The following CEP120 variants were observed in gnomAD, a reference collection of about 807,000 sequenced individuals.
CEP120 encodes the protein centrosomal protein of 120 kDa.
In CEP120, 113 loss-of-function variants were observed where a neutral mutation model predicts 126.5. The ratio of observed to expected loss-of-function variants is 0.89; its 90% CI spans 0.77 to 1.04. The LOEUF (loss-of-function observed/expected upper bound fraction) is 1.04. Among genes scored for constraint, CEP120 ranks in the 50% least tolerant of loss-of-function variants. The pLI is 0.00. For missense variants in CEP120, 1,230 were observed against 1,155.7 expected (o/e 1.06, Z -0.93); for synonymous variants, 400 against 394.3 (o/e 1.01, Z -0.17).
intron 5 of CEP120, among the ~76,000 whole-genome samples, chr5:123,398,471 G>C (rs181575896): frequency 2.0e-5 from 3 of 152,274 alleles, no homozygotes; most frequent in Admixed American, 1.3e-4. Flanking sequence ...GACTAGGCCT[G>C]CTTACTGCTT....
rs1410630358 is a variant in CEP120, at chr5:123,393,381, A to C, written c.729T>G (p.Phe243Leu). The C allele has an allele frequency of 1.2e-6, 2 of 1,614,064 alleles. No homozygotes were observed. The highest frequency in any genetic ancestry group is 2.2e-5 in the East Asian group (1 of 44,880). The change falls in exon 6 of 20, where the codon TTT (phenylalanine) becomes TTG (leucine). Residue 243 changes from phenylalanine (F) to leucine (L), a missense_variant. By Grantham distance (22) the Phe-to-Leu change is conservative. Coordinates refer to ENST00000306467, the MANE Select transcript of CEP120 (RefSeq NM_001375405.1). ...EPFNDLINPN[F>L]EPERASVRIR... ...TGCGAACTGATGCTCTCTCTGGCTC[A>C]AAGTTTGGGTTGATTAAATCATTGA...
At chr5:123,381,839 T>C (rs1440745577) in intron 14 of CEP120, among the ~76,000 whole-genome samples, 1 of 151,918 alleles carries the variant, frequency 6.6e-6, no homozygotes, top group African/African-American at 2.4e-5. Context: ...CAAGCAATCC[T>C]CCCTCAGTGC....
intron 17 of CEP120, 140 bp downstream of exon 17, chr5:123,372,510 G>T: frequency 2.4e-6 from 2 of 819,160 alleles, no homozygotes; most frequent in Non-Finnish European, 3.9e-6. Flanking sequence ...ATAATGTCAC[G>T]TGCCTTTAAT....
At position 123,386,675 on chromosome 5, in the gene CEP120, T is replaced by TAAAAA. The variant is rs1562047830; in HGVS notation, c.1431-9_1431-8insTTTTT. 4.8e-5 allele frequency: 33 copies of TAAAAA among 688,902 alleles called. 1 individual carries two copies. Among genetic ancestry groups the TAAAAA allele is most frequent in the African/African-American group, 3.2e-4 (9 of 27,972 alleles). 42.7% of individuals were successfully genotyped at this position (688,902 alleles called of 1,614,324 possible). A position where few individuals can be genotyped will look rare whatever the true frequency, so the allele number is the denominator to read the frequency against. ...AAGAATGGATATGAGTACCTAGAAT[T>TAAAAA]TAAAAAAAAAAAAAAAAAAAAAAGC... On this transcript the variant is annotated splice_polypyrimidine_tract_variant and intron_variant, in intron 9 of 19. Coordinates refer to ENST00000306467, the MANE Select transcript of CEP120 (RefSeq NM_001375405.1).
Position 123,378,386 on chromosome 5 carries a change from G to A in CEP120, c.2146C>T (p.Leu716=). Residue 716 remains leucine (L), a synonymous_variant, in exon 15 of 20, where the codon CTA becomes TTA. Transcript: ENST00000306467. ...TILEGKLQKT[L]IDLEKREQQL... Reference sequence around the variant, plus strand: ...TGCTCTCGCTTCTCCAAGTCAATTAGAGTTTTTTGAAGTTTTCCTTCTAGA... The same window carrying A: ...TGCTCTCGCTTCTCCAAGTCAATTAAAGTTTTTTGAAGTTTTCCTTCTAGA... 1 of 1,600,674 alleles carries A rather than the reference G, an allele frequency of 6.2e-7. No individual in the cohort carries two copies. Among genetic ancestry groups the A allele is most frequent in the Non-Finnish European group, 8.5e-7 (1 of 1,173,916 alleles).
At chr5:123,415,128 A>G (rs182541721) in intron 3 of CEP120, among the ~76,000 whole-genome samples, 10 of 152,250 alleles carry the variant, frequency 6.6e-5, no homozygotes, top group Admixed American at 3.3e-4. Flanking sequence ...CTGTGTTTCA[A>G]TAAGTTCACT....
chr5:123,347,877 T>C (rs1768946492), intron 19 of CEP120, among the ~76,000 whole-genome samples: 1 of 151,912 alleles, frequency 6.6e-6, no homozygotes, highest in Non-Finnish European at 1.5e-5. Flanking sequence ...GGTCTCAAAC[T>C]CCCTCACTCT....
At chr5:123,394,765 C>T (rs1299379398) in intron 5 of CEP120, among the ~76,000 whole-genome samples, 1 of 152,216 alleles carries the variant, frequency 6.6e-6, no homozygotes, top group Non-Finnish European at 1.5e-5. Context: ...AGATTTTAAT[C>T]ATGTGGACTT....
At chr5:123,404,149 G>A (rs918517009) in intron 4 of CEP120, among the ~76,000 whole-genome samples, 4 of 134,572 alleles carry the variant, frequency 3.0e-5, no homozygotes, top group African/African-American at 8.4e-5. Flanking sequence ...AACAGTCCAG[G>A]GAAAAATATT....
Position 123,423,081 on chromosome 5 carries a change from C to G in CEP120, c.-83G>C. Reference sequence around the variant, plus strand: ...GTCGCGGGTAATCCGGGACCCCCGGCGGGACCCCCACTGCCCGCCCCCGGT... The same window carrying G: ...GTCGCGGGTAATCCGGGACCCCCGGGGGGACCCCCACTGCCCGCCCCCGGT... On this transcript the variant is annotated 5_prime_UTR_variant, in exon 1 of 20. Transcript: ENST00000306467. The G allele has an allele frequency of 8.1e-7, 1 of 1,240,822 alleles. No individual in the cohort carries two copies. The highest frequency in any genetic ancestry group is 2.3e-5 in the East Asian group (1 of 42,866). The allele number at this position is 1,240,822 out of a possible 1,614,324, so 76.9% of individuals were successfully genotyped here. A position where few individuals can be genotyped will look rare whatever the true frequency, so the allele number is the denominator to read the frequency against.
intron 9 of CEP120, 109 bp from the exon 10 acceptor site, chr5:123,386,776 A>C: frequency 1.2e-6 from 1 of 825,024 alleles, no homozygotes; most frequent in Non-Finnish European, 1.7e-6. Flanking sequence ...ATGAGCAAAT[A>C]CAACTTTTTA....
intron 5 of CEP120, 47 bp from the exon 6 acceptor site, chr5:123,393,544 T>A (rs750266223): frequency 7.5e-6 from 11 of 1,462,894 alleles, no homozygotes; most frequent in Non-Finnish European, 9.5e-6. Flanking sequence ...TCTAAACTAC[T>A]GAACATGCTT....
chr5:123,357,676 T>C (rs1201012820), intron 18 of CEP120, among the ~76,000 whole-genome samples: 8 of 152,250 alleles, frequency 5.3e-5, no homozygotes, highest in Non-Finnish European at 8.8e-5. Context: ...GTGGATGACC[T>C]GAGCCTAGGA....
chr5:123,369,917 A>G (rs1443724153), intron 17 of CEP120, among the ~76,000 whole-genome samples: 1 of 152,086 alleles, frequency 6.6e-6, no homozygotes, highest in Non-Finnish European at 1.5e-5. Context: ...CATAGAAGGT[A>G]CTCAATAAAT....
Position 123,400,822 on chromosome 5 carries a change from G to A in CEP120, c.464-1538C>T, listed in dbSNP as rs56299823. On this transcript the variant is annotated intron_variant, in intron 4 of 19. Transcript: ENST00000306467. ...TGAGGCCTAGGGCTGAGCCTCAGGT[G>A]GGTCTCCTGTTCCCAGTGCTACCCT... 7 of 826,802 alleles carry A rather than the reference G, an allele frequency of 8.5e-6. No individual in the cohort carries two copies. The East Asian group carries it at 1.5e-4, about 17-fold the overall frequency. The allele number at this position is 826,802 out of a possible 1,614,324, so 51.2% of individuals were successfully genotyped here. A position where few individuals can be genotyped will look rare whatever the true frequency, so the allele number is the denominator to read the frequency against.
At chr5:123,413,636 C>T (rs1774208549) in intron 3 of CEP120, among the ~76,000 whole-genome samples, 1 of 152,034 alleles carries the variant, frequency 6.6e-6, no homozygotes, top group Non-Finnish European at 1.5e-5. Context: ...GTAGATGGTG[C>T]TTATATTGTC....
chr5:123,421,868 T>A (rs551290589), intron 1 of CEP120, among the ~76,000 whole-genome samples: 1 of 152,334 alleles, frequency 6.6e-6, no homozygotes, highest in African/African-American at 2.4e-5. Flanking sequence ...TTCTGGTCAG[T>A]CTCTTGTTCC....
chr5:123,422,911 G>A (rs1774811890), intron 1 of CEP120, 39 bp downstream of exon 1: 1 of 1,589,692 alleles, frequency 6.3e-7, no homozygotes, highest in Non-Finnish European at 8.6e-7. Flanking sequence ...TTAAAACTCG[G>A]GAGGCAGCAG....
Position 123,416,131 on chromosome 5 carries a change from C to A in CEP120, c.207-7G>T. 6.6e-7 allele frequency: 1 copy of A among 1,522,304 alleles called. No homozygotes were observed. Among genetic ancestry groups the A allele is most frequent in the Non-Finnish European group, 9.1e-7 (1 of 1,104,122 alleles). The allele number at this position is 1,522,304 out of a possible 1,614,324, so 94.3% of individuals were successfully genotyped here. A position where few individuals can be genotyped will look rare whatever the true frequency, so the allele number is the denominator to read the frequency against. ...GATAGGAGTACGCTGTAGCCTATAA[C>A]AAAACATGTGATAAATAAAATGGTT... On this transcript the variant is annotated splice_polypyrimidine_tract_variant and splice_region_variant and intron_variant, in intron 2 of 19. Coordinates refer to ENST00000306467, the MANE Select transcript of CEP120 (RefSeq NM_001375405.1).
Sources: gnomAD v4.1 joint callset for allele counts (sites outside exome capture counted in the v4.1 genomes callset) on GRCh38, gnomAD v4.1.1 for gene constraint, MANE v1.5 for transcripts, NCBI Gene and HGNC (gene_info 2026-07-23, HGNC 2026-07-21) for gene names.